The following KIAA0586 variants were observed in gnomAD, a reference collection of about 807,000 sequenced individuals.
KIAA0586 encodes protein TALPID3.
Under a neutral mutation model 169.8 loss-of-function variants are expected in KIAA0586, and 144 were observed. That is an observed-to-expected ratio of 0.85 (90% CI 0.74 to 0.97). The LOEUF is 0.97. Ranked by LOEUF, KIAA0586 falls within the 50% of genes least tolerant of loss-of-function variation. The probability of loss-of-function intolerance (pLI) is 0.00; values close to 1 mark genes in which losing one functional copy is unlikely to be tolerated. For missense variants in KIAA0586, 1,854 were observed against 1,823.0 expected, an observed-to-expected ratio of 1.02 and a Z score of -0.31; for synonymous variants, 625 against 612.4, an observed-to-expected ratio of 1.02 and a Z score of -0.30.
chr14:58,467,999 A>G, intron 16 of KIAA0586, 77 bp downstream of exon 16: 3 of 797,700 alleles, frequency 3.8e-6, no homozygotes, highest in Non-Finnish European at 5.9e-6. Flanking sequence ...GAAATCCATT[A>G]TATTGCTTCA....
At chr14:58,488,964 T>G in intron 24 of KIAA0586, 90 bp downstream of exon 24, 1 of 1,357,248 alleles carries the variant, frequency 7.4e-7, no homozygotes, top group Non-Finnish European at 1.0e-6. Flanking sequence ...TTTACTTAAC[T>G]TTCAAGATTT....
At chr14:58,495,926 C>A (rs1008417249) in intron 26 of KIAA0586, among the ~76,000 whole-genome samples, 1 of 151,968 alleles carries the variant, frequency 6.6e-6, no homozygotes, top group Non-Finnish European at 1.5e-5. Flanking sequence ...AAAAATTGCC[C>A]CTAGCTGTAT....
At position 58,487,878 on chromosome 14, in the gene KIAA0586, A is replaced by AC; in HGVS notation, c.3305-9_3305-8insC. 1 of 1,597,322 alleles carries AC rather than the reference A, an allele frequency of 6.3e-7. No homozygotes were observed. Among genetic ancestry groups the AC allele is most frequent in the Non-Finnish European group, 8.5e-7 (1 of 1,171,924 alleles). ...ATCTTTTTCTGTCCTTTTAAAAAAAAACCTTTAGGAGATGATATGCCTGCC... is the reference window on the plus strand; with the variant it reads ...ATCTTTTTCTGTCCTTTTAAAAAAAACACCTTTAGGAGATGATATGCCTGCC... On this transcript the variant is annotated splice_polypyrimidine_tract_variant and intron_variant, in intron 22 of 30. Transcript: ENST00000652326.
downstream of KIAA0586, among the ~76,000 whole-genome samples, chr14:58,553,333 G>C (rs551138002): frequency 6.6e-6 from 1 of 152,136 alleles, no homozygotes; most frequent in African/African-American, 2.4e-5. Flanking sequence ...ATGGATAACA[G>C]GTCCAGAAAG....
intron 27 of KIAA0586, among the ~76,000 whole-genome samples, chr14:58,502,434 C>A (rs1350369208): frequency 6.6e-6 from 1 of 152,182 alleles, no homozygotes; most frequent in Non-Finnish European, 1.5e-5. Context: ...GCCACTGCGC[C>A]CAGCTGATAA....
At chr14:58,554,137 C>T (rs1034910223), downstream of KIAA0586, among the ~76,000 whole-genome samples, 52 of 152,196 alleles carry the variant, frequency 3.4e-4, no homozygotes, top group Non-Finnish European at 6.3e-4. Flanking sequence ...TAAGAGAGGG[C>T]GAGCTTCAGT....
At chr14:58,487,851 C>T (rs1366150072) in intron 22 of KIAA0586, 36 bp from the exon 23 acceptor site, 4 of 1,396,928 alleles carry the variant, frequency 2.9e-6, no homozygotes, top group Middle Eastern at 1.8e-4. Flanking sequence ...TTACTGACTA[C>T]TATCTTTTTC....
Position 58,432,439 on chromosome 14 carries a change from G to T in KIAA0586, c.392G>T (p.Arg131Ile). The change falls in exon 4 of 31, where the codon AGA (arginine) becomes ATA (isoleucine). Residue 131 changes from arginine (R) to isoleucine (I), a missense_variant. Coordinates refer to ENST00000652326, the MANE Select transcript of KIAA0586 (RefSeq NM_001329943.3). The stretch of plus-strand genomic sequence containing the variant: ...ACAATGGGACAGAAAGATGCTCTAA[G>T]AACAGTTTTAAAGCAAAAGTAAGTT... Reference protein sequence around the residue: ...QYTMGQKDALRTVLKQKAQSM... With the variant: ...QYTMGQKDALITVLKQKAQSM... 3 of 1,551,972 alleles carry T rather than the reference G, an allele frequency of 1.9e-6. No individual in the cohort carries two copies. The highest frequency in any genetic ancestry group is 2.4e-5 in the South Asian group (2 of 83,102).
intron 14 of KIAA0586, chr14:58,463,945 C>A: frequency 2.4e-6 from 1 of 420,860 alleles, no homozygotes; most frequent in Admixed American, 2.9e-5. Flanking sequence ...GGGAGATGGC[C>A]AAGACTGACC....
At chr14:58,521,174 A>T in intron 29 of KIAA0586, 5 of 665,068 alleles carry the variant, frequency 7.5e-6, no homozygotes, top group Admixed American at 4.9e-5. Flanking sequence ...GATTTTTTTG[A>T]TCTTCAGCTA....
At chr14:58,553,670 T>G (rs2140174374), downstream of KIAA0586, among the ~76,000 whole-genome samples, 1 of 152,170 alleles carries the variant, frequency 6.6e-6, no homozygotes. Context: ...CAACTTGCGG[T>G]CACTCATGGG....
At chr14:58,509,719 G>C (rs2044250341) in intron 28 of KIAA0586, among the ~76,000 whole-genome samples, 1 of 152,098 alleles carries the variant, frequency 6.6e-6, no homozygotes. Flanking sequence ...AGTTAATAAT[G>C]AAAAAGTATC....
intron 27 of KIAA0586, 70 bp from the exon 28 acceptor site, chr14:58,508,485 A>C: frequency 1.6e-6 from 2 of 1,251,032 alleles, no homozygotes; most frequent in Non-Finnish European, 2.2e-6. Context: ...GTTTTAGTCA[A>C]CTACTTGTTC....
chr14:58,481,182 T>A (rs902121724), intron 20 of KIAA0586, among the ~76,000 whole-genome samples: 16 of 152,228 alleles, frequency 1.1e-4, no homozygotes, highest in Non-Finnish European at 1.9e-4. Context: ...TACCCACTTT[T>A]TAGGGAATTC....
downstream of KIAA0586, among the ~76,000 whole-genome samples, chr14:58,554,876 G>A (rs1371494653): frequency 6.6e-6 from 1 of 152,116 alleles, no homozygotes; most frequent in African/African-American, 2.4e-5. Flanking sequence ...GCCCCTGATT[G>A]GGACAGCTTT....
At chr14:58,442,558 A>C (rs927388496) in intron 4 of KIAA0586, 148 bp from the exon 5 acceptor site, 11 of 573,384 alleles carry the variant, frequency 1.9e-5, no homozygotes, top group Admixed American at 1.0e-4. Context: ...GACCTTGATA[A>C]ATTTTGTTAA....
rs547635774 is a variant in KIAA0586 at position 58,550,830 on chromosome 14, T to C, written c.*2898T>C. 10 of 139,262 alleles carry C rather than the reference T, an allele frequency of 7.2e-5. No homozygotes were observed. In the South Asian group the frequency reaches 2.4e-3, roughly 33 times the overall value. 8.6% of individuals were successfully genotyped at this position (139,262 alleles called of 1,614,324 possible). On this transcript the variant is annotated 3_prime_UTR_variant, in exon 31 of 31. Transcript: ENST00000652326. ...GCCTGGGTGACAGAATGAGACCGTG[T>C]CTCAAAAAAAAAAAAAAAAAAATTG... is the stretch of plus-strand genomic sequence containing the variant.
intron 9 of KIAA0586, among the ~76,000 whole-genome samples, chr14:58,455,423 T>A (rs545853256): frequency 7.9e-5 from 12 of 152,350 alleles, no homozygotes; most frequent in African/African-American, 2.6e-4. Context: ...AAACTGGGCA[T>A]TTTAAATAAT....
At position 58,459,889 on chromosome 14, in the gene KIAA0586, A is replaced by G. The variant is rs1818326026; in HGVS notation, c.1703A>G (p.Lys568Arg). ...TDYEQKRFDQ[K>R]NQRTKKGQNM... ...TATGAACAAAAAAGATTTGATCAGA[A>G]GAATCAGAGAACCAAGAAAGGTCAG... The change falls in exon 13 of 31, where the codon AAG becomes AGG. Residue 568 changes from lysine (K) to arginine (R), a missense_variant. By Grantham distance (26) the Lys-to-Arg change is conservative. Transcript: ENST00000652326. The G allele has an allele frequency of 6.5e-7, 1 of 1,533,564 alleles. No homozygotes were observed. The allele number at this position is 1,533,564 out of a possible 1,614,324, so 95.0% of individuals were successfully genotyped here. A position where few individuals can be genotyped will look rare whatever the true frequency, so the allele number is the denominator to read the frequency against.
Sources: gnomAD v4.1 joint callset for allele counts (sites outside exome capture counted in the v4.1 genomes callset) on GRCh38, gnomAD v4.1.1 for gene constraint, MANE v1.5 for transcripts, NCBI Gene and HGNC (gene_info 2026-07-23, HGNC 2026-07-21) for gene names.